TRMT11: variants seen among roughly 807,000 people sequenced by gnomAD.
TRMT11 encodes tRNA (guanine(10)-N(2))-methyltransferase TRMT11.
Under a neutral mutation model 62.8 loss-of-function variants are expected in TRMT11, and 53 were observed. That is an observed-to-expected ratio of 0.84 (90% CI 0.68 to 1.06). The LOEUF (loss-of-function observed/expected upper bound fraction) is 1.06, where lower values mean the gene tolerates loss of function less well. Ranked by LOEUF, TRMT11 falls within the 50% of genes least tolerant of loss-of-function variation. TRMT11 has a pLI of 0.00. For synonymous variants in TRMT11, 188 were observed against 190.3 expected (o/e 0.99, Z 0.10); for missense variants, 556 against 553.4 (o/e 1.00, Z -0.05).
chr6:126,052,197 T>G (rs745491554), intron 16 of TRMT11, among the ~76,000 whole-genome samples: 10 of 152,220 alleles, frequency 6.6e-5, no homozygotes, highest in Non-Finnish European at 1.5e-4. Flanking sequence ...GTGCTCTATT[T>G]GCCGTATAAG....
intron 17 of TRMT11, among the ~76,000 whole-genome samples, chr6:126,054,998 T>A (rs1249107207): frequency 1.3e-5 from 2 of 152,198 alleles, no homozygotes; most frequent in Non-Finnish European, 2.9e-5. Flanking sequence ...AGGGTCTGGC[T>A]CTATAGCCCA....
the TRMT11 span, among the ~76,000 whole-genome samples, chr6:126,271,583 T>A: frequency 1.6e-4 from 24 of 152,082 alleles, no homozygotes; most frequent in African/African-American, 4.6e-4. Context: ...GCAAAATATA[T>A]TTTTGGTAAA....
intron 17 of TRMT11, among the ~76,000 whole-genome samples, chr6:126,068,653 T>G (rs926855946): frequency 6.6e-6 from 1 of 152,244 alleles, no homozygotes; most frequent in Admixed American, 6.5e-5. Context: ...AGATGTGATT[T>G]GATATTTTAT....
At chr6:126,114,154 A>G (rs1777562892) in intron 18 of TRMT11, among the ~76,000 whole-genome samples, 2 of 152,134 alleles carry the variant, frequency 1.3e-5, no homozygotes, top group Admixed American at 1.3e-4. Context: ...GTACATCTGC[A>G]CACAGACACA....
chr6:126,204,239 C>T (rs1404490401), downstream of TRMT11, among the ~76,000 whole-genome samples: 1 of 152,198 alleles, frequency 6.6e-6, no homozygotes, highest in Non-Finnish European at 1.5e-5. Flanking sequence ...TGTTCTTGGG[C>T]TTTCCTCTGA....
intron 1 of TRMT11, among the ~76,000 whole-genome samples, chr6:126,185,171 A>AT (rs1413857941): frequency 1.3e-5 from 2 of 152,206 alleles, no homozygotes; most frequent in East Asian, 3.9e-4. Context: ...AATAAGTCAC[A>AT]TTTTTTCCTT....
chr6:126,066,900 C>G (rs1040470581), intron 17 of TRMT11, among the ~76,000 whole-genome samples: 8 of 150,736 alleles, frequency 5.3e-5, no homozygotes, highest in African/African-American at 2.0e-4. Flanking sequence ...TGCTGGGCAA[C>G]TGACCAACTT....
chr6:126,011,580 A>G (rs979506600), intron 9 of TRMT11, among the ~76,000 whole-genome samples, 163 bp downstream of exon 9: 2 of 152,174 alleles, frequency 1.3e-5, no homozygotes, highest in Non-Finnish European at 2.9e-5. Flanking sequence ...TTATGAAGGT[A>G]CTTAACTACC....
At chr6:126,214,178 G>A in the TRMT11 span, among the ~76,000 whole-genome samples, 45 of 149,214 alleles carry the variant, frequency 3.0e-4, no homozygotes, top group Non-Finnish European at 5.3e-4. Context: ...ACATTCATCA[G>A]TGATATTGAC....
intron 17 of TRMT11, among the ~76,000 whole-genome samples, chr6:126,061,891 T>C (rs1026481029): frequency 1.3e-5 from 2 of 152,160 alleles, no homozygotes; most frequent in Admixed American, 6.6e-5. Context: ...ATCCAGTCTT[T>C]TTCAGTTTTG....
chr6:126,189,120 A>C (rs1197874079), intron 1 of TRMT11, among the ~76,000 whole-genome samples: 1 of 152,120 alleles, frequency 6.6e-6, no homozygotes, highest in African/African-American at 2.4e-5. Flanking sequence ...CGAAGGGGTT[A>C]AGAGTTGGAC....
At chr6:126,116,525 C>T (rs760391370) in intron 21 of TRMT11, among the ~76,000 whole-genome samples, 5 of 152,054 alleles carry the variant, frequency 3.3e-5, no homozygotes, top group Admixed American at 6.6e-5. Context: ...GTGGTTTTGT[C>T]CTTAATAATA....
chr6:126,057,515 T>G (rs1776406636), intron 17 of TRMT11, among the ~76,000 whole-genome samples: 1 of 152,170 alleles, frequency 6.6e-6, no homozygotes, highest in Non-Finnish European at 1.5e-5. Context: ...CAGTGTTGAA[T>G]GTAAATCAGA....
chr6:126,212,825 G>A, the TRMT11 span, among the ~76,000 whole-genome samples: 1 of 151,998 alleles, frequency 6.6e-6, no homozygotes, highest in Non-Finnish European at 1.5e-5. Context: ...GCCTGTGCTT[G>A]TGGGGTATTA....
At chr6:126,095,186 T>C (rs1412206313) in intron 17 of TRMT11, among the ~76,000 whole-genome samples, 1 of 152,204 alleles carries the variant, frequency 6.6e-6, no homozygotes, top group Non-Finnish European at 1.5e-5. Flanking sequence ...AAATGGATAC[T>C]AGTAATAATC....
intron 21 of TRMT11, among the ~76,000 whole-genome samples, chr6:126,126,125 T>G (rs1429519399): frequency 6.6e-6 from 1 of 152,092 alleles, no homozygotes; most frequent in East Asian, 1.9e-4. Flanking sequence ...CTGGCCTTTA[T>G]GGGCATTGAA....
At chr6:126,035,726 T>C (rs1775063956) in intron 12 of TRMT11, among the ~76,000 whole-genome samples, 1 of 152,132 alleles carries the variant, frequency 6.6e-6, no homozygotes, top group Non-Finnish European at 1.5e-5. Flanking sequence ...GTGAGTGTTT[T>C]CTCAATAATC....
At chr6:126,231,723 A>G in the TRMT11 span, among the ~76,000 whole-genome samples, 1 of 152,206 alleles carries the variant, frequency 6.6e-6, no homozygotes, top group Non-Finnish European at 1.5e-5. Flanking sequence ...TACATGTGGC[A>G]GAGGGTTCTG....
At chr6:126,110,842 C>T (rs925020111) in intron 17 of TRMT11, among the ~76,000 whole-genome samples, 1 of 152,066 alleles carries the variant, frequency 6.6e-6, no homozygotes, top group African/African-American at 2.4e-5. Flanking sequence ...TGCCTATAGT[C>T]CCCTGGACAG....
Sources: allele counts gnomAD v4.1 joint callset (sites outside exome capture counted in the v4.1 genomes callset), GRCh38; gene constraint gnomAD v4.1.1; transcripts MANE v1.5; gene names NCBI Gene and HGNC (gene_info 2026-07-23, HGNC 2026-07-21).